APOO: variants seen among roughly 807,000 people sequenced by gnomAD.
APOO encodes MICOS complex subunit MIC26.
A neutral mutation model predicts 23.1 loss-of-function variants in APOO; 11 were observed. The observed-to-expected ratio is 0.48, with a 90% CI of 0.30 to 0.79. The LOEUF is 0.79. Ranked by LOEUF, APOO falls within the 30% of genes least tolerant of loss-of-function variation. APOO has a pLI of 0.07. For missense variants in APOO, 160 were observed against 142.7 expected, an observed-to-expected ratio of 1.12 and a Z score of -0.62; for synonymous variants, 59 against 54.8, an observed-to-expected ratio of 1.08 and a Z score of -0.34.
In APOO at chrX:23,906,411, G is replaced by A. The variant is rs760586419; in HGVS notation, c.9+1283C>T. On this transcript the variant is annotated intron_variant, in intron 1 of 8. Transcript: ENST00000379226. ...AGTTCAGGGATCCTCTGAAATCTAT[G>A]TGCAGATCCTTTGAGGAGCTGAGGG... Among the ~76,000 whole-genome samples, 77 of 112,467 alleles carry A rather than the reference G, an allele frequency of 6.8e-4. No individual in the cohort carries two copies. In the South Asian group the frequency reaches 0.025, roughly 36 times the overall value.
intron 6 of APOO, among the ~76,000 whole-genome samples, 172 bp from the exon 7 acceptor site, chrX:23,856,554 ATT>A (rs373801710): frequency 3.9e-5 from 4 of 103,046 alleles, no homozygotes; most frequent in Non-Finnish European, 2.0e-5. Context: ...TCAATGGTAG[ATT>A]TTTTTTTTTT....
chrX:23,888,945 G>T (rs1191781701), intron 1 of APOO, among the ~76,000 whole-genome samples: 1 of 98,793 alleles, frequency 1.0e-5, no homozygotes, highest in African/African-American at 3.8e-5. Flanking sequence ...TTTAAGACCA[G>T]CCTGGGCAAC....
chrX:23,889,389 A>G (rs1601934585), intron 1 of APOO, among the ~76,000 whole-genome samples: 2 of 111,206 alleles, frequency 1.8e-5, no homozygotes, highest in South Asian at 7.5e-4. Flanking sequence ...AGACAAATAA[A>G]AACCTTAAGC....
chrX:23,875,564 T>C (rs112294348), intron 3 of APOO, among the ~76,000 whole-genome samples: 3 of 106,120 alleles, frequency 2.8e-5, no homozygotes, highest in African/African-American at 1.0e-4. Flanking sequence ...GGATTACAGG[T>C]GCCCGCCACC....
chrX:23,890,394 C>T (rs1333768657), intron 1 of APOO, among the ~76,000 whole-genome samples: 1 of 111,964 alleles, frequency 8.9e-6, no homozygotes, highest in Non-Finnish European at 1.9e-5. Flanking sequence ...ATAGTGGATA[C>T]CCTTAGCAAG....
chrX:23,878,046 A>G (rs1437775268), intron 3 of APOO, among the ~76,000 whole-genome samples: 1 of 111,932 alleles, frequency 8.9e-6, no homozygotes, highest in Non-Finnish European at 1.9e-5. Flanking sequence ...CAATCTGTAT[A>G]TGTAGTTCTT....
rs769512151 is a variant in APOO at position 23,837,956 on chromosome X, G to A, written c.*29+2357C>T. 1.5e-3 allele frequency among the ~76,000 whole-genome samples: 133 copies of A among 85,840 alleles called. 1 individual carries two copies. Among genetic ancestry groups the A allele is most frequent in the African/African-American group, 5.5e-3 (126 of 23,049 alleles). The allele number at this position is 85,840 out of a possible 115,157, so 74.5% of individuals were successfully genotyped here. ...AGTACAGGTGTGAGCCACTGCACCC[G>A]GCCTATCTATCTATCTATCTATCTA... On this transcript the variant is annotated intron_variant, in intron 8 of 8. Coordinates refer to ENST00000379226, the MANE Select transcript of APOO (RefSeq NM_024122.5).
chrX:23,840,434 T>G, intron 7 of APOO, 57 bp from the exon 8 acceptor site: 1 of 1,046,662 alleles, frequency 9.6e-7, no homozygotes, highest in South Asian at 2.1e-5. Flanking sequence ...GTGCAACTCC[T>G]TAGTGTCCTG....
chrX:23,870,030 G>A (rs780006023), intron 4 of APOO, among the ~76,000 whole-genome samples: 6 of 110,750 alleles, frequency 5.4e-5, no homozygotes, highest in Non-Finnish European at 1.1e-4. Context: ...CTCATTACTC[G>A]AACAGAAGAA....
At chrX:23,874,313 C>T in intron 4 of APOO, 90 bp downstream of exon 4, 1 of 808,960 alleles carries the variant, frequency 1.2e-6, no homozygotes, top group South Asian at 2.3e-5. Context: ...AAGGAATACA[C>T]AGATTTCTTG....
At chrX:23,875,756 C>G (rs2147012362) in intron 3 of APOO, among the ~76,000 whole-genome samples, 1 of 110,605 alleles carries the variant, frequency 9.0e-6, no homozygotes, top group South Asian at 3.8e-4. Flanking sequence ...CAGTTCAAGT[C>G]AGAACAAGCT....
In APOO at chrX:23,861,714, C is replaced by A. The variant is rs183997042; in HGVS notation, c.389-2981G>T. Among the ~76,000 whole-genome samples, 881 of 109,036 alleles carry A rather than the reference C, an allele frequency of 8.1e-3. 14 individuals are homozygous for A. The highest frequency in any genetic ancestry group is 0.028 in the African/African-American group (829 of 29,956). The allele number at this position is 109,036 out of a possible 115,157, so 94.7% of individuals were successfully genotyped here. On this transcript the variant is annotated intron_variant, in intron 5 of 8. Transcript: ENST00000379226. ...CCTCCTCACACTGGCCCTGGGTGCACCCTTGTATATGGTCACTTCCTGCCC... is the reference window on the plus strand; with the variant it reads ...CCTCCTCACACTGGCCCTGGGTGCAACCTTGTATATGGTCACTTCCTGCCC...
At chrX:23,869,173 T>C (rs1023864793) in intron 4 of APOO, among the ~76,000 whole-genome samples, 12 of 110,711 alleles carry the variant, frequency 1.1e-4, no homozygotes, top group Admixed American at 7.8e-4. Flanking sequence ...CCTCCCAAAG[T>C]GCTGGGATTA....
chrX:23,865,835 G>A (rs1210109487), intron 5 of APOO, among the ~76,000 whole-genome samples: 1 of 111,383 alleles, frequency 9.0e-6, no homozygotes, highest in East Asian at 2.8e-4. Context: ...ATGTGTGTGT[G>A]CGTGCCTGTG....
At chrX:23,848,226 G>A (rs1347101081) in intron 7 of APOO, among the ~76,000 whole-genome samples, 1 of 109,289 alleles carries the variant, frequency 9.2e-6, no homozygotes, top group African/African-American at 3.3e-5. Context: ...GTGCAGTGAC[G>A]CGATCATGGC....
intron 1 of APOO, among the ~76,000 whole-genome samples, chrX:23,882,998 G>A (rs949414841): frequency 6.3e-5 from 7 of 111,424 alleles, no homozygotes; most frequent in African/African-American, 2.3e-4. Context: ...AGAATCGCTT[G>A]AACCCAGGAG....
intron 3 of APOO, 95 bp from the exon 4 acceptor site, chrX:23,874,552 T>A: frequency 1.3e-6 from 1 of 747,124 alleles, no homozygotes; most frequent in Non-Finnish European, 2.1e-6. Flanking sequence ...CTGAATAAAT[T>A]ATCATGTTAT....
At chrX:23,838,152 C>T (rs776188940) in intron 8 of APOO, among the ~76,000 whole-genome samples, 44 of 103,265 alleles carry the variant, frequency 4.3e-4, no homozygotes, top group African/African-American at 1.5e-3. Flanking sequence ...GTCAGGAGTT[C>T]GAGACCAGCC....
chrX:23,906,051 G>C (rs897578778), intron 1 of APOO, among the ~76,000 whole-genome samples: 1 of 112,434 alleles, frequency 8.9e-6, no homozygotes, highest in Admixed American at 9.4e-5. Context: ...ACTTGGCTAC[G>C]TGACTTGTTT....
Sources: allele counts gnomAD v4.1 joint callset (sites outside exome capture counted in the v4.1 genomes callset), GRCh38; gene constraint gnomAD v4.1.1; transcripts MANE v1.5; gene names NCBI Gene and HGNC (gene_info 2026-07-23, HGNC 2026-07-21).